MEIKIN: variants seen among roughly 807,000 people sequenced by gnomAD.
MEIKIN encodes the protein meiosis-specific kinetochore protein.
chr5:131,890,885 T>C (rs1236783686), intron 8 of MEIKIN, among the ~76,000 whole-genome samples: 1 of 152,256 alleles, frequency 6.6e-6, no homozygotes, highest in African/African-American at 2.4e-5. Flanking sequence ...CACACTGTTT[T>C]GTATGTGTCC....
intron 8 of MEIKIN, among the ~76,000 whole-genome samples, chr5:131,885,176 G>C (rs1375078448): frequency 6.6e-6 from 1 of 152,116 alleles, no homozygotes; most frequent in African/African-American, 2.4e-5. Flanking sequence ...TTAGGGCCTT[G>C]AGAAAACACA....
At chr5:131,872,604 T>C (rs1347821228) in intron 9 of MEIKIN, among the ~76,000 whole-genome samples, 3 of 152,020 alleles carry the variant, frequency 2.0e-5, no homozygotes, top group African/African-American at 7.3e-5. Context: ...ACTTCCCCAA[T>C]CTAGCAAGGC....
At chr5:131,832,714 T>G (rs1315809324) in intron 11 of MEIKIN, among the ~76,000 whole-genome samples, 1 of 152,214 alleles carries the variant, frequency 6.6e-6, no homozygotes, top group African/African-American at 2.4e-5. Flanking sequence ...AAACCTCAAT[T>G]CTTGACTTCT....
At chr5:131,808,142 A>G (rs1228905669) in intron 12 of MEIKIN, among the ~76,000 whole-genome samples, 1 of 152,232 alleles carries the variant, frequency 6.6e-6, no homozygotes, top group East Asian at 1.9e-4. Flanking sequence ...ATTCACAAGT[A>G]CATTAAAGTC....
intron 11 of MEIKIN, among the ~76,000 whole-genome samples, chr5:131,842,720 A>G (rs1410712126): frequency 6.6e-6 from 1 of 152,158 alleles, no homozygotes; most frequent in African/African-American, 2.4e-5. Flanking sequence ...AGAACATTCT[A>G]TTTTAAGCTG....
intron 9 of MEIKIN, among the ~76,000 whole-genome samples, chr5:131,859,860 T>G (rs1472237483): frequency 6.6e-6 from 1 of 152,194 alleles, no homozygotes; most frequent in Non-Finnish European, 1.5e-5. Flanking sequence ...ATCAGTTGGC[T>G]GTAAATACGT....
intron 8 of MEIKIN, among the ~76,000 whole-genome samples, chr5:131,886,543 T>G (rs912258374): frequency 6.6e-6 from 1 of 152,176 alleles, no homozygotes; most frequent in Non-Finnish European, 1.5e-5. Context: ...TACTCTACAA[T>G]AGTATATCAG....
At chr5:131,875,319 CA>C in intron 9 of MEIKIN, among the ~76,000 whole-genome samples, 1 of 152,206 alleles carries the variant, frequency 6.6e-6, no homozygotes, top group Admixed American at 6.5e-5. Context: ...AATCAATGTA[CA>C]AAAATCACAA....
chr5:131,899,639 C>T (rs1751121832), intron 8 of MEIKIN, among the ~76,000 whole-genome samples: 2 of 150,860 alleles, frequency 1.3e-5, no homozygotes, highest in African/African-American at 2.4e-5. Context: ...TAAAGGGATG[C>T]AAAGAAATAT....
At chr5:131,921,571 T>C (rs1283644542) in intron 6 of MEIKIN, among the ~76,000 whole-genome samples, 5 of 151,968 alleles carry the variant, frequency 3.3e-5, no homozygotes, top group African/African-American at 1.2e-4. Context: ...GCAGGAGAAC[T>C]GCTTGAACCT....
At chr5:131,854,267 T>C (rs1750160310) in intron 10 of MEIKIN, among the ~76,000 whole-genome samples, 1 of 152,190 alleles carries the variant, frequency 6.6e-6, no homozygotes. Flanking sequence ...GTTCCACTTA[T>C]ATGAGGTACC....
At chr5:131,917,524 C>T (rs958856947) in intron 6 of MEIKIN, among the ~76,000 whole-genome samples, 1 of 148,732 alleles carries the variant, frequency 6.7e-6, no homozygotes, top group African/African-American at 2.5e-5. Flanking sequence ...CGAGATTGCG[C>T]CACTGCACTC....
At chr5:131,808,826 A>T (rs1772895549) in intron 12 of MEIKIN, among the ~76,000 whole-genome samples, 2 of 152,186 alleles carry the variant, frequency 1.3e-5, no homozygotes. Flanking sequence ...TTGTAATCCC[A>T]GCACTCTGGG....
intron 8 of MEIKIN, among the ~76,000 whole-genome samples, chr5:131,879,511 T>C (rs1750670426): frequency 6.6e-6 from 1 of 152,264 alleles, no homozygotes; most frequent in Non-Finnish European, 1.5e-5. Context: ...ACTGCAACTT[T>C]TCTATCAGCA....
chr5:131,887,621 T>C (rs1750824298), intron 8 of MEIKIN, among the ~76,000 whole-genome samples: 1 of 152,248 alleles, frequency 6.6e-6, no homozygotes, highest in African/African-American at 2.4e-5. Context: ...GTCTGTTGGT[T>C]GCATAAAGGT....
intron 8 of MEIKIN, among the ~76,000 whole-genome samples, chr5:131,890,310 G>C (rs7701017): frequency 1.3e-5 from 2 of 152,202 alleles, no homozygotes; most frequent in South Asian, 2.1e-4. Context: ...GTAGAATTCA[G>C]CTGTGAATCC....
intron 9 of MEIKIN, among the ~76,000 whole-genome samples, chr5:131,866,584 T>C (rs1186134436): frequency 6.6e-6 from 1 of 152,198 alleles, no homozygotes; most frequent in East Asian, 1.9e-4. Context: ...AGCCTTGGCC[T>C]AGAGCAGGCA....
chr5:131,877,742 A>G (rs1198798800), intron 9 of MEIKIN, among the ~76,000 whole-genome samples: 1 of 152,204 alleles, frequency 6.6e-6, no homozygotes, highest in African/African-American at 2.4e-5. Context: ...GTTGGAAAAA[A>G]TGTAAAGCAC....
At chr5:131,934,643 G>GT (rs1751743862) in intron 4 of MEIKIN, among the ~76,000 whole-genome samples, 1 of 152,118 alleles carries the variant, frequency 6.6e-6, no homozygotes, top group African/African-American at 2.4e-5. Flanking sequence ...GGAGAAAACT[G>GT]TAACACCGAG....
Sources: gnomAD v4.1 joint callset for allele counts (sites outside exome capture counted in the v4.1 genomes callset) on GRCh38, gnomAD v4.1.1 for gene constraint, MANE v1.5 for transcripts, NCBI Gene and HGNC (gene_info 2026-07-23, HGNC 2026-07-21) for gene names.